RCAN3: variants seen among roughly 807,000 people sequenced by gnomAD.
RCAN3 encodes regulator of calcineurin 3, also known as calcipressin-3.
A neutral mutation model predicts 21.9 loss-of-function variants in RCAN3; 19 were observed. The observed-to-expected ratio is 0.87, with a 90% CI of 0.61 to 1.27. The LOEUF is 1.27. Among genes scored for constraint, RCAN3 ranks in the 50% most tolerant of loss-of-function variants. RCAN3 has a pLI of 0.00. For synonymous variants in RCAN3, 114 were observed against 112.3 expected (o/e 1.01, Z -0.09); for missense variants, 240 against 300.1 (o/e 0.80, Z 1.48).
At chr1:24,528,750 C>T (rs920472438) in intron 2 of RCAN3, among the ~76,000 whole-genome samples, 1 of 152,150 alleles carries the variant, frequency 6.6e-6, no homozygotes, top group African/African-American at 2.4e-5. Context: ...ACACATCCAC[C>T]TAATAGTGGG....
intron 1 of RCAN3, among the ~76,000 whole-genome samples, chr1:24,504,116 C>T (rs1193262718): frequency 1.3e-5 from 2 of 152,200 alleles, no homozygotes; most frequent in Non-Finnish European, 2.9e-5. Flanking sequence ...AAAACTGAGT[C>T]TCTTCTTTAG....
intron 1 of RCAN3, among the ~76,000 whole-genome samples, chr1:24,510,080 G>A (rs1260064041): frequency 6.6e-6 from 1 of 152,138 alleles, no homozygotes; most frequent in Non-Finnish European, 1.5e-5. Flanking sequence ...GGCTTAAAAC[G>A]TACAGTAAAC....
chr1:24,511,796 G>A (rs1647907630), intron 1 of RCAN3, among the ~76,000 whole-genome samples: 1 of 152,214 alleles, frequency 6.6e-6, no homozygotes, highest in Admixed American at 6.5e-5. Flanking sequence ...AAAAAATGCA[G>A]TGCAGTGTGA....
intron 2 of RCAN3, among the ~76,000 whole-genome samples, chr1:24,515,132 A>C (rs1400120963): frequency 1.3e-5 from 2 of 152,194 alleles, no homozygotes; most frequent in East Asian, 3.9e-4. Context: ...ACTCTGAGTC[A>C]AGTCTTATTC....
At chr1:24,521,492 C>T (rs1306604018) in intron 2 of RCAN3, among the ~76,000 whole-genome samples, 1 of 152,148 alleles carries the variant, frequency 6.6e-6, no homozygotes, top group Non-Finnish European at 1.5e-5. Flanking sequence ...AGAGAGAAGG[C>T]TCCTCTATGT....
intron 2 of RCAN3, among the ~76,000 whole-genome samples, chr1:24,521,380 GTAGTGAGACCCCA>G (rs1308993116): frequency 6.6e-6 from 1 of 152,036 alleles, no homozygotes; most frequent in African/African-American, 2.4e-5. Context: ...GCCTGGAAAC[GTAGTGAGACCCCA>G]TCTCCTAAAA....
At chr1:24,511,681 T>C (rs983429254) in intron 1 of RCAN3, among the ~76,000 whole-genome samples, 1 of 152,192 alleles carries the variant, frequency 6.6e-6, no homozygotes, top group African/African-American at 2.4e-5. Context: ...TTTGAAATAT[T>C]GTGAGAATTA....
intron 2 of RCAN3, among the ~76,000 whole-genome samples, chr1:24,530,356 C>CAAACAAAAAAAA (rs1649654912): frequency 1.2e-5 from 1 of 81,518 alleles, no homozygotes; most frequent in Non-Finnish European, 2.4e-5. Flanking sequence ...CTCTTATCTC[C>CAAACAAAAAAAA]AAAAAAAAAA....
chr1:24,502,431 T>C (rs2148886374), upstream of RCAN3: 1 of 152,628 alleles, frequency 6.6e-6, no homozygotes, highest in South Asian at 2.1e-4. Flanking sequence ...TCTGATAATA[T>C]CCGGGCCGCC....
At position 24,539,706 on chromosome 1, in the gene RCAN3, A is replaced by T. The variant is rs895344656; in HGVS notation, c.*4429A>T. The T allele has an allele frequency of 2.0e-5, 3 of 152,248 alleles. No homozygotes were observed. Among genetic ancestry groups the T allele is most frequent in the Non-Finnish European group, 2.9e-5 (2 of 68,036 alleles). 9.4% of individuals were successfully genotyped at this position (152,248 alleles called of 1,614,324 possible). On this transcript the variant is annotated 3_prime_UTR_variant, in exon 5 of 5. Coordinates refer to ENST00000374395, the MANE Select transcript of RCAN3 (RefSeq NM_013441.4). ...TTTATTTTAAAAGGGAAAATCTCAC[A>T]CATAATTAAGCAGTGGAAAATGTGC...
chr1:24,520,632 T>G (rs189665317), intron 2 of RCAN3, among the ~76,000 whole-genome samples: 4 of 135,104 alleles, frequency 3.0e-5, no homozygotes, highest in African/African-American at 1.1e-4. Flanking sequence ...AATTGAACAA[T>G]GAGAACACAA....
chr1:24,509,022 A>G (rs1486944370), intron 1 of RCAN3, among the ~76,000 whole-genome samples: 1 of 151,942 alleles, frequency 6.6e-6, no homozygotes, highest in Admixed American at 6.6e-5. Flanking sequence ...TTAACCGGAC[A>G]TGGTGGTGTG....
chr1:24,511,821 A>T (rs1370166128), intron 1 of RCAN3, among the ~76,000 whole-genome samples: 1 of 152,210 alleles, frequency 6.6e-6, no homozygotes, highest in East Asian at 1.9e-4. Context: ...GTGACGCATG[A>T]TAAAATGTGG....
intron 2 of RCAN3, among the ~76,000 whole-genome samples, chr1:24,522,173 A>G (rs1648872625): frequency 6.6e-6 from 1 of 152,202 alleles, no homozygotes; most frequent in Non-Finnish European, 1.5e-5. Flanking sequence ...ATATACACAT[A>G]CATATATTTA....
Position 24,521,869 on chromosome 1 carries a change from A to T in RCAN3, c.195+7302A>T, listed in dbSNP as rs186150410. ...TCTCAAAAACAAACAAACAAAAAAAATTTTTTTAAAAAAGAAAATAGAATA... is the reference window on the plus strand; with the variant it reads ...TCTCAAAAACAAACAAACAAAAAAATTTTTTTTAAAAAAGAAAATAGAATA... On this transcript the variant is annotated intron_variant, in intron 2 of 4. Transcript: ENST00000374395. Among the ~76,000 whole-genome samples, 35 of 147,766 alleles carry T rather than the reference A, an allele frequency of 2.4e-4. No individual in the cohort carries two copies. In the East Asian group the frequency reaches 5.0e-3, roughly 21 times the overall value.
intron 1 of RCAN3, among the ~76,000 whole-genome samples, chr1:24,513,268 A>G (rs1648039701): frequency 1.3e-5 from 2 of 151,948 alleles, no homozygotes; most frequent in South Asian, 2.1e-4. Flanking sequence ...ACACCTTTTT[A>G]ATTTTCTTTA....
rs1176161438 is a variant in RCAN3 at position 24,537,016 on chromosome 1, A to T, written c.*1739A>T. ...CAATAAATTTACTCTGCAGTTCTGA[A>T]CTCAGCATTGTGCCCATTTTTTACT... On this transcript the variant is annotated 3_prime_UTR_variant, in exon 5 of 5. Transcript: ENST00000374395. The T allele has an allele frequency of 6.6e-6, 1 of 152,104 alleles. No homozygotes were observed. The allele number at this position is 152,104 out of a possible 1,614,324, so 9.4% of individuals were successfully genotyped here.
At chr1:24,523,793 C>T (rs1051496973) in intron 2 of RCAN3, among the ~76,000 whole-genome samples, 1 of 152,066 alleles carries the variant, frequency 6.6e-6, no homozygotes, top group African/African-American at 2.4e-5. Flanking sequence ...TTGAGATAAG[C>T]ATCTTCAATT....
intron 2 of RCAN3, among the ~76,000 whole-genome samples, chr1:24,528,254 G>GAAA (rs57400823): frequency 1.6e-5 from 2 of 122,138 alleles, no homozygotes; most frequent in Admixed American, 1.7e-4. Context: ...TGGAAAAAAA[G>GAAA]AAAAAAAAAA....
Sources: allele counts gnomAD v4.1 joint callset (sites outside exome capture counted in the v4.1 genomes callset), GRCh38; gene constraint gnomAD v4.1.1; transcripts MANE v1.5; gene names NCBI Gene and HGNC (gene_info 2026-07-23, HGNC 2026-07-21).